The following SMYD3 variants were observed in gnomAD, a reference collection of about 807,000 sequenced individuals.
SMYD3 encodes histone-lysine N-methyltransferase SMYD3.
SMYD3 carries 36 observed loss-of-function variants against 57.7 expected under a neutral mutation model. The observed-to-expected ratio is 0.62, with a 90% CI of 0.48 to 0.82. The LOEUF is 0.82. Ranked by LOEUF, SMYD3 falls within the 40% of genes least tolerant of loss-of-function variation. SMYD3 has a pLI of 0.00. For missense variants in SMYD3, 515 were observed against 538.8 expected, an observed-to-expected ratio of 0.96 and a Z score of 0.44; for synonymous variants, 211 against 195.0, an observed-to-expected ratio of 1.08 and a Z score of -0.68.
At chr1:245,908,267 A>AT (rs35017749) in intron 8 of SMYD3, among the ~76,000 whole-genome samples, 151,554 of 152,364 alleles carry the variant, frequency 0.99, 75,380 homozygotes, top group Middle Eastern at 1. Context: ...AAAGGTCATT[A>AT]AAAATGATAA....
chr1:246,492,383 G>C lies in SMYD3; in HGVS notation c.164+14671C>G, dbSNP rs187785787. ...CAGTGTGCAGCTAAAGCTAAGAACC[G>C]GTATCTCAGAGAACGCCGATGGCTC... On this transcript the variant is annotated intron_variant, in intron 1 of 11. Transcript: ENST00000490107. Among the ~76,000 whole-genome samples the C allele has an allele frequency of 8.3e-3, 1,269 of 152,228 alleles. 7 individuals are homozygous for C. The highest frequency in any genetic ancestry group is 0.014 in the Non-Finnish European group (955 of 68,018).
chr1:246,415,155 G>A (rs2067040929), intron 1 of SMYD3, among the ~76,000 whole-genome samples: 1 of 152,120 alleles, frequency 6.6e-6, no homozygotes, highest in African/African-American at 2.4e-5. Flanking sequence ...GCCAAAACAT[G>A]ATAATAAAAC....
intron 5 of SMYD3, among the ~76,000 whole-genome samples, chr1:246,040,608 A>G (rs965656746): frequency 1.3e-5 from 2 of 152,210 alleles, no homozygotes; most frequent in Non-Finnish European, 2.9e-5. Context: ...CAAGGTCCTC[A>G]GCTGGGGCTT....
intron 10 of SMYD3, among the ~76,000 whole-genome samples, chr1:245,858,179 A>G (rs1038963456): frequency 1.3e-5 from 2 of 152,016 alleles, no homozygotes; most frequent in Non-Finnish European, 2.9e-5. Flanking sequence ...CAGCTCCCCC[A>G]CCACCCTGAG....
At position 245,989,721 on chromosome 1, in the gene SMYD3, C is replaced by A. The variant is rs997175451; in HGVS notation, c.532-59784G>T. Among the ~76,000 whole-genome samples, 4 of 152,204 alleles carry A rather than the reference C, an allele frequency of 2.6e-5. No homozygotes were observed. In the East Asian group the frequency reaches 5.8e-4, roughly 22 times the overall value. ...TTCCAATGACAAGTGGGGCTTCCCCCCTCCCACAGAGGATTACAGGCCAAC... is the reference window on the plus strand; with the variant it reads ...TTCCAATGACAAGTGGGGCTTCCCCACTCCCACAGAGGATTACAGGCCAAC... On this transcript the variant is annotated intron_variant, in intron 5 of 11. Coordinates refer to ENST00000490107, the MANE Select transcript of SMYD3 (RefSeq NM_001167740.2).
intron 5 of SMYD3, among the ~76,000 whole-genome samples, chr1:246,015,806 C>G (rs1431790776): frequency 6.6e-6 from 1 of 152,220 alleles, no homozygotes; most frequent in East Asian, 1.9e-4. Context: ...ATGTGGCACA[C>G]ATTTTGTAGA....
Position 246,348,077 on chromosome 1 carries a change from T to TATATATATATATATATATATATATACAC in SMYD3, c.228+6953_228+6954insGTGTATATATATATATATATATATATAT. Among the ~76,000 whole-genome samples, 249 of 86,226 alleles carry TATATATATATATATATATATATATACAC rather than the reference T, an allele frequency of 2.9e-3. 3 individuals are homozygous for TATATATATATATATATATATATATACAC. Among genetic ancestry groups the TATATATATATATATATATATATATACAC allele is most frequent in the Admixed American group, 0.021 (149 of 7,186 alleles). 56.6% of individuals were successfully genotyped at this position (86,226 alleles called of 152,430 possible). A position where few individuals can be genotyped will look rare whatever the true frequency, so the allele number is the denominator to read the frequency against. ...AGAAAACGTTATATATATATATATA[T>TATATATATATATATATATATATATACAC]ACACACACACCATCAAATACTATGA... On this transcript the variant is annotated intron_variant, in intron 2 of 11. Coordinates refer to ENST00000490107, the MANE Select transcript of SMYD3 (RefSeq NM_001167740.2).
rs994549199 is a variant in SMYD3 at position 246,073,698 on chromosome 1, C to T, written c.532-143761G>A. Among the ~76,000 whole-genome samples the T allele has an allele frequency of 9.9e-5, 15 of 152,254 alleles. 1 individual carries two copies. The highest frequency in any genetic ancestry group is 3.6e-4 in the African/African-American group (15 of 41,550). On this transcript the variant is annotated intron_variant, in intron 5 of 11. Coordinates refer to ENST00000490107, the MANE Select transcript of SMYD3 (RefSeq NM_001167740.2). Reference sequence around the variant, plus strand: ...CGCCACGGTACTCCAGCCTAGGTGACAGGGCAAGACTCTGTCTCAAAATAA... The same window carrying T: ...CGCCACGGTACTCCAGCCTAGGTGATAGGGCAAGACTCTGTCTCAAAATAA...
chr1:246,263,680 T>G (rs2064052944), intron 5 of SMYD3, among the ~76,000 whole-genome samples: 1 of 152,242 alleles, frequency 6.6e-6, no homozygotes, highest in Admixed American at 6.5e-5. Flanking sequence ...AATTACTGAT[T>G]TCTTTTTGTA....
intron 5 of SMYD3, among the ~76,000 whole-genome samples, chr1:246,007,350 G>A (rs149677459): frequency 1.7e-3 from 253 of 152,258 alleles, no homozygotes; most frequent in African/African-American, 5.9e-3. Flanking sequence ...TGGGTGCCTC[G>A]TGAAAGGGAG....
chr1:245,925,143 T>C (rs2056279919), intron 7 of SMYD3, among the ~76,000 whole-genome samples: 1 of 152,124 alleles, frequency 6.6e-6, no homozygotes, highest in Non-Finnish European at 1.5e-5. Context: ...TAAAGCCAAA[T>C]GCAAAGTTCA....
intron 5 of SMYD3, among the ~76,000 whole-genome samples, chr1:246,127,896 AAAAAGAAAAG>A (rs60532931): frequency 3.7e-4 from 54 of 147,892 alleles, no homozygotes; most frequent in East Asian, 1.4e-3. Context: ...ACTCTGTCTC[AAAAAGAAAAG>A]AAAAGAAAAG....
intron 5 of SMYD3, among the ~76,000 whole-genome samples, chr1:246,227,956 CTTTTT>C (rs202246263): frequency 4.3e-5 from 5 of 115,594 alleles, no homozygotes; most frequent in African/African-American, 1.1e-4. Flanking sequence ...ATTTTTATTC[CTTTTT>C]TTTTTTTTTT....
intron 5 of SMYD3, among the ~76,000 whole-genome samples, chr1:246,285,737 C>T (rs2064547225): frequency 1.3e-5 from 2 of 152,112 alleles, no homozygotes; most frequent in South Asian, 4.1e-4. Flanking sequence ...TCTTCACAAT[C>T]TATACATCCA....
At chr1:245,894,006 T>C (rs2053571855) in intron 8 of SMYD3, among the ~76,000 whole-genome samples, 1 of 152,160 alleles carries the variant, frequency 6.6e-6, no homozygotes, top group African/African-American at 2.4e-5. Flanking sequence ...GATATGGTTG[T>C]AGAGAGAAAT....
chr1:246,166,771 A>G (rs977906128), intron 5 of SMYD3, among the ~76,000 whole-genome samples: 1 of 152,224 alleles, frequency 6.6e-6, no homozygotes, highest in African/African-American at 2.4e-5. Context: ...GGGATAACTT[A>G]GTCATTATTG....
At chr1:245,823,931 G>A (rs2049319297) in intron 10 of SMYD3, among the ~76,000 whole-genome samples, 1 of 152,216 alleles carries the variant, frequency 6.6e-6, no homozygotes, top group Admixed American at 6.5e-5. Flanking sequence ...AGACCCACGT[G>A]CTCCCGAAGG....
intron 5 of SMYD3, among the ~76,000 whole-genome samples, chr1:246,272,214 T>A (rs181176217): frequency 5.9e-5 from 9 of 152,350 alleles, no homozygotes; most frequent in Admixed American, 5.9e-4. Context: ...TACAAGGTCA[T>A]ATCATCTATG....
At chr1:246,164,208 G>C (rs951123635) in intron 5 of SMYD3, among the ~76,000 whole-genome samples, 1 of 152,198 alleles carries the variant, frequency 6.6e-6, no homozygotes, top group Non-Finnish European at 1.5e-5. Flanking sequence ...ATTGCCTGAG[G>C]TCAGGAGTTC....
Sources: gnomAD v4.1 joint callset for allele counts (sites outside exome capture counted in the v4.1 genomes callset) on GRCh38, gnomAD v4.1.1 for gene constraint, MANE v1.5 for transcripts, NCBI Gene and HGNC (gene_info 2026-07-23, HGNC 2026-07-21) for gene names.